The following ZNF469 variants were observed in gnomAD, a reference collection of about 807,000 sequenced individuals.
ZNF469 encodes zinc finger protein 469.
In ZNF469, 1 loss-of-function variant was observed where a neutral mutation model predicts 1.0. The observed-to-expected ratio is 1.00, with a 90% CI of 0.35 to 4.73. The LOEUF (loss-of-function observed/expected upper bound fraction) is 4.73. Ranked by LOEUF, ZNF469 falls within the 30% of genes most tolerant of loss-of-function variation. The pLI is 0.16. For missense variants in ZNF469, 6,100 were observed against 5,356.3 expected, an observed-to-expected ratio of 1.14 and a Z score of -4.33; for synonymous variants, 2,703 against 2,363.4, an observed-to-expected ratio of 1.14 and a Z score of -4.17.
chr16:88,155,576 C>T, the ZNF469 span, among the ~76,000 whole-genome samples: 1 of 152,216 alleles, frequency 6.6e-6, no homozygotes, highest in African/African-American at 2.4e-5. Flanking sequence ...GTGGCCTCTG[C>T]CTGTGGCCTC....
the ZNF469 span, among the ~76,000 whole-genome samples, chr16:88,125,192 G>T: frequency 7.3e-6 from 1 of 136,938 alleles, no homozygotes; most frequent in Non-Finnish European, 1.6e-5. Flanking sequence ...TTATGTGTGG[G>T]TCTATTTCTG....
At chr16:88,206,444 C>T in the ZNF469 span, among the ~76,000 whole-genome samples, 1 of 152,152 alleles carries the variant, frequency 6.6e-6, no homozygotes, top group Admixed American at 6.5e-5. Context: ...AGCAGAGGCC[C>T]TTTCATAACC....
Position 88,428,555 on chromosome 16 carries a change from A to C in ZNF469, c.1085A>C (p.His362Pro), listed in dbSNP as rs921915762. ...SGALSSPGAA[H>P]SAPRPFSDSL... ...GCCCTCTCTTCCCCTGGAGCTGCTCACTCGGCCCCGAGACCCTTCTCTGAC... is the reference window on the plus strand; with the variant it reads ...GCCCTCTCTTCCCCTGGAGCTGCTCCCTCGGCCCCGAGACCCTTCTCTGAC... Residue 362 changes from histidine to proline, a missense_variant, in exon 3 of 3, where the codon CAC becomes CCC. His to Pro is a moderately conservative substitution (Grantham distance 77, BLOSUM62 -2). Transcript: ENST00000565624. 2 of 1,550,028 alleles carry C rather than the reference A, an allele frequency of 1.3e-6. No homozygotes were observed. Among genetic ancestry groups the C allele is most frequent in the Non-Finnish European group, 1.7e-6 (2 of 1,146,838 alleles).
At chr16:88,140,657 C>A in the ZNF469 span, among the ~76,000 whole-genome samples, 1 of 152,106 alleles carries the variant, frequency 6.6e-6, no homozygotes, top group African/African-American at 2.4e-5. Flanking sequence ...TGAGGCCAGG[C>A]GCAGTGGCTC....
At chr16:88,256,895 C>CTCTCTCTCTCT in the ZNF469 span, among the ~76,000 whole-genome samples, 3 of 51,430 alleles carry the variant, frequency 5.8e-5, 1 homozygote, top group African/African-American at 2.1e-4. Flanking sequence ...CTTTTCTTTC[C>CTCTCTCTCTCT]TTCTTTCTTT....
At chr16:88,241,394 T>C in the ZNF469 span, among the ~76,000 whole-genome samples, 1 of 149,142 alleles carries the variant, frequency 6.7e-6, no homozygotes, top group East Asian at 2.0e-4. This position sits in a 1 kb window ranked among gnomAD's most constrained non-coding sequence, Gnocchi z 4.8. Context: ...ACATGAAAAG[T>C]TTATTTGTTG....
chr16:88,163,816 G>T, the ZNF469 span, among the ~76,000 whole-genome samples: 5 of 152,062 alleles, frequency 3.3e-5, no homozygotes, highest in Middle Eastern at 3.4e-3. Context: ...TGGATGGGTG[G>T]CTGGATGCAG....
chr16:88,109,512 T>C, the ZNF469 span, among the ~76,000 whole-genome samples: 3 of 151,962 alleles, frequency 2.0e-5, no homozygotes, highest in African/African-American at 4.8e-5. Flanking sequence ...GCTGAGCGTC[T>C]GTGTCCACGC....
chr16:88,254,690 G>A, the ZNF469 span, among the ~76,000 whole-genome samples: 44 of 152,276 alleles, frequency 2.9e-4, no homozygotes, highest in African/African-American at 4.3e-4. Flanking sequence ...CCTGGGAGGC[G>A]GAGGTTGCAG....
chr16:88,244,023 T>TGCACG, the ZNF469 span, among the ~76,000 whole-genome samples: 1 of 136,270 alleles, frequency 7.3e-6, no homozygotes, highest in Non-Finnish European at 1.6e-5. Flanking sequence ...TATGGGTGAG[T>TGCACG]GCACGGATCA....
the ZNF469 span, among the ~76,000 whole-genome samples, chr16:88,186,673 C>G: frequency 2.0e-5 from 3 of 152,144 alleles, no homozygotes; most frequent in African/African-American, 4.8e-5. Context: ...GTGCGGCGGT[C>G]AAAGTCGCAC....
the ZNF469 span, among the ~76,000 whole-genome samples, chr16:88,281,576 T>G: frequency 6.7e-6 from 1 of 149,330 alleles, no homozygotes; most frequent in African/African-American, 2.5e-5. Context: ...CACCAATGCT[T>G]GGTCAGTACC....
At chr16:88,218,766 A>C in the ZNF469 span, among the ~76,000 whole-genome samples, 6 of 152,072 alleles carry the variant, frequency 3.9e-5, no homozygotes, top group Admixed American at 6.5e-5. Context: ...AGTTCTGGCC[A>C]GGGCAATTAG....
At chr16:88,236,929 A>G in the ZNF469 span, among the ~76,000 whole-genome samples, 3 of 152,110 alleles carry the variant, frequency 2.0e-5, no homozygotes, top group African/African-American at 4.8e-5. Flanking sequence ...GCATCCCTCT[A>G]ATTTTTTCTT....
the ZNF469 span, among the ~76,000 whole-genome samples, chr16:88,244,959 T>C: frequency 2.0e-5 from 3 of 151,820 alleles, no homozygotes; most frequent in East Asian, 5.8e-4. Flanking sequence ...ATATCACTGC[T>C]AAAAGGAAGA....
At chr16:88,354,253 G>T in the ZNF469 span, among the ~76,000 whole-genome samples, 3 of 152,180 alleles carry the variant, frequency 2.0e-5, no homozygotes, top group African/African-American at 4.8e-5. Context: ...CTCCCCAGGG[G>T]GACCAGGGAG....
the ZNF469 span, among the ~76,000 whole-genome samples, chr16:88,285,062 G>C: frequency 6.6e-6 from 1 of 152,260 alleles, no homozygotes; most frequent in Non-Finnish European, 1.5e-5. Flanking sequence ...AGGGGGAGGC[G>C]CATTGCCCAT....
chr16:88,166,187 T>C, the ZNF469 span, among the ~76,000 whole-genome samples: 39 of 152,264 alleles, frequency 2.6e-4, no homozygotes, highest in African/African-American at 9.4e-4. The surrounding 1 kb of genome is among the most constrained non-coding windows in gnomAD (Gnocchi z 4.5). Flanking sequence ...ACAGTAAAGT[T>C]GAAATAATTT....
chr16:88,415,035 G>A lies in ZNF469; in HGVS notation c.-191-9772G>A, dbSNP rs372518895. On this transcript the variant is annotated intron_variant, in intron 1 of 2. Coordinates refer to ENST00000565624, the MANE Select transcript of ZNF469 (RefSeq NM_001367624.2). ...CAGGGAAGGGCACTGCCTCGGCCTC[G>A]CAGAGACTCCGGTCCCGGGTGCCAC... Among the ~76,000 whole-genome samples, 37 of 152,346 alleles carry A rather than the reference G, an allele frequency of 2.4e-4. No individual in the cohort carries two copies. In the South Asian group the frequency reaches 7.0e-3, roughly 29 times the overall value.
Sources: allele counts gnomAD v4.1 joint callset (sites outside exome capture counted in the v4.1 genomes callset), GRCh38; gene constraint gnomAD v4.1.1; non-coding constraint Gnocchi (gnomAD v3.1); transcripts MANE v1.5; gene names NCBI Gene and HGNC (gene_info 2026-07-23, HGNC 2026-07-21).